The following ARHGAP28 variants were observed in gnomAD, a reference collection of about 807,000 sequenced individuals.
The protein encoded by ARHGAP28 is rho GTPase-activating protein 28.
A neutral mutation model predicts 90.7 loss-of-function variants in ARHGAP28; 56 were observed. That is an observed-to-expected ratio of 0.62 (90% confidence interval 0.50 to 0.77). The LOEUF (loss-of-function observed/expected upper bound fraction) is 0.77, where lower values mean the gene tolerates loss of function less well. Ranked by LOEUF, ARHGAP28 falls within the 30% of genes least tolerant of loss-of-function variation. The probability of loss-of-function intolerance (pLI) is 0.00; values close to 1 mark genes in which losing one functional copy is unlikely to be tolerated. For synonymous variants in ARHGAP28, 308 were observed against 323.3 expected (o/e 0.95, Z 0.51); for missense variants, 869 against 900.9 (o/e 0.96, Z 0.45).
intron 1 of ARHGAP28, among the ~76,000 whole-genome samples, chr18:6,757,489 A>G (rs1476828214): frequency 6.6e-6 from 1 of 152,218 alleles, no homozygotes; most frequent in Non-Finnish European, 1.5e-5. Flanking sequence ...CCGACGATTA[A>G]TACAAAGCCA....
intron 7 of ARHGAP28, 72 bp from the exon 8 acceptor site, chr18:6,873,337 G>GT: frequency 1.5e-6 from 2 of 1,299,674 alleles, no homozygotes; most frequent in Non-Finnish European, 1.1e-6. Flanking sequence ...AGAGTGTCCA[G>GT]GTGGCATTTG....
intron 3 of ARHGAP28, among the ~76,000 whole-genome samples, chr18:6,839,770 A>G (rs548318612): frequency 6.6e-6 from 1 of 152,362 alleles, no homozygotes; most frequent in East Asian, 1.9e-4. Flanking sequence ...TATTAGAAAA[A>G]GGAAAACTTT....
intron 5 of ARHGAP28, among the ~76,000 whole-genome samples, chr18:6,861,382 T>C (rs1033181024): frequency 3.3e-5 from 5 of 152,352 alleles, no homozygotes; most frequent in Admixed American, 1.3e-4. Context: ...GCCTCCTAAG[T>C]GATCTCCAGA....
chr18:6,819,538 G>T (rs963032439), intron 1 of ARHGAP28, among the ~76,000 whole-genome samples: 3 of 152,092 alleles, frequency 2.0e-5, no homozygotes, highest in African/African-American at 4.8e-5. Context: ...GGACTCTACC[G>T]GGATGAGGAG....
intron 4 of ARHGAP28, 151 bp from the exon 5 acceptor site, chr18:6,859,657 G>A: frequency 1.3e-6 from 1 of 745,068 alleles, no homozygotes; most frequent in Non-Finnish European, 2.2e-6. Context: ...TAATAGTGCT[G>A]CACTACCAGT....
At chr18:6,739,592 GT>G (rs1017058732) in intron 1 of ARHGAP28, among the ~76,000 whole-genome samples, 6 of 150,324 alleles carry the variant, frequency 4.0e-5, no homozygotes, top group African/African-American at 1.5e-4. Flanking sequence ...ATATTTAACA[GT>G]ATTTAAAACT....
At position 6,833,219 on chromosome 18, in the gene ARHGAP28, T is replaced by G. The variant is rs1171236810; in HGVS notation, c.326-3978T>G. Among the ~76,000 whole-genome samples the G allele has an allele frequency of 1.3e-5, 2 of 152,074 alleles. 1 individual carries two copies. Among genetic ancestry groups the G allele is most frequent in the Middle Eastern group, 6.3e-3 (2 of 316 alleles). ...CTATCACTCCCAAGTACTTTAGGTA[T>G]TATATGTATATATACATACACACTT... On this transcript the variant is annotated intron_variant, in intron 2 of 17. Transcript: ENST00000383472.
chr18:6,763,439 A>T (rs8089354), intron 1 of ARHGAP28, among the ~76,000 whole-genome samples: 64,537 of 151,918 alleles, frequency 0.42, 14,870 homozygotes, highest in East Asian at 0.85. Flanking sequence ...GGAAAAGAGG[A>T]GTTGCCAGAC....
At chr18:6,787,294 CTAAAA>C (rs2056373219) in intron 1 of ARHGAP28, among the ~76,000 whole-genome samples, 1 of 126,436 alleles carries the variant, frequency 7.9e-6, no homozygotes, top group South Asian at 2.8e-4. Context: ...AAAAAAAAAA[CTAAAA>C]TAAGAATCAG....
Position 6,912,324 on chromosome 18 carries a change from A to T in ARHGAP28, c.*170A>T. ...TGAACTATGGAAGAGGCGCCGGTTC[A>T]CCAATTCAACTGAAGCTTTCTCATG... On this transcript the variant is annotated 3_prime_UTR_variant, in exon 18 of 18. Transcript: ENST00000383472. 2.6e-6 allele frequency: 1 copy of T among 391,940 alleles called. No individual in the cohort carries two copies. The highest frequency in any genetic ancestry group is 4.6e-6 in the Non-Finnish European group (1 of 218,774). The allele number at this position is 391,940 out of a possible 1,614,324, so 24.3% of individuals were successfully genotyped here. A position where few individuals can be genotyped will look rare whatever the true frequency, so the allele number is the denominator to read the frequency against.
At position 6,908,949 on chromosome 18, in the gene ARHGAP28, AT is replaced by A; in HGVS notation, c.2031-4del. 6.8e-6 allele frequency: 10 copies of A among 1,480,062 alleles called. No homozygotes were observed. The highest frequency in any genetic ancestry group is 8.4e-6 in the Non-Finnish European group (9 of 1,070,966). 91.7% of individuals were successfully genotyped at this position (1,480,062 alleles called of 1,614,324 possible). A position where few individuals can be genotyped will look rare whatever the true frequency, so the allele number is the denominator to read the frequency against. On this transcript the variant is annotated splice_polypyrimidine_tract_variant and intron_variant, in intron 16 of 17. Coordinates refer to ENST00000383472, the MANE Select transcript of ARHGAP28 (RefSeq NM_001366230.1). Reference sequence around the variant, plus strand: ...AGTACTAAAATTATATTATTTTCTCATTTTTTTCAGTCATGGTTCATCAGAA... The same window carrying A: ...AGTACTAAAATTATATTATTTTCTCATTTTTTCAGTCATGGTTCATCAGAA...
intron 1 of ARHGAP28, among the ~76,000 whole-genome samples, chr18:6,753,164 A>G (rs1276562274): frequency 6.6e-6 from 1 of 152,176 alleles, no homozygotes; most frequent in Non-Finnish European, 1.5e-5. Context: ...AATGGTACCA[A>G]TGGATTTATT....
intron 1 of ARHGAP28, among the ~76,000 whole-genome samples, chr18:6,743,670 G>A (rs987579990): frequency 7.9e-5 from 12 of 152,172 alleles, no homozygotes; most frequent in Non-Finnish European, 1.5e-4. Flanking sequence ...AAAACTGAGT[G>A]CAGCATGGAT....
chr18:6,876,069 T>C (rs746053342), intron 9 of ARHGAP28, 62 bp from the exon 10 acceptor site: 1 of 1,262,434 alleles, frequency 7.9e-7, no homozygotes, highest in South Asian at 1.2e-5. Context: ...TCATTGTTAC[T>C]GTTTCATATG....
At chr18:6,847,529 G>C (rs929214789) in intron 3 of ARHGAP28, among the ~76,000 whole-genome samples, 4 of 151,790 alleles carry the variant, frequency 2.6e-5, no homozygotes, top group Admixed American at 1.3e-4. Flanking sequence ...AGGCCAATAA[G>C]GTCTGAAAAA....
rs540549108 is a variant in ARHGAP28, at chr18:6,808,645, G to A, written c.123-16117G>A. Among the ~76,000 whole-genome samples, 119 of 152,232 alleles carry A rather than the reference G, an allele frequency of 7.8e-4. 1 individual carries two copies. The highest frequency in any genetic ancestry group is 2.6e-3 in the African/African-American group (110 of 41,534). On this transcript the variant is annotated intron_variant, in intron 1 of 17. Coordinates refer to ENST00000383472, the MANE Select transcript of ARHGAP28 (RefSeq NM_001366230.1). ...AGAGCAAATTTAGCCTTCTTAGTAA[G>A]GCATGAGACTTCTAAGGTTTCCATT...
chr18:6,886,749 A>C (rs1270616725), intron 11 of ARHGAP28, among the ~76,000 whole-genome samples: 1 of 152,150 alleles, frequency 6.6e-6, no homozygotes, highest in African/African-American at 2.4e-5. Flanking sequence ...CAGGTTTGAA[A>C]CCTGGTTCTA....
intron 1 of ARHGAP28, among the ~76,000 whole-genome samples, chr18:6,772,020 TA>T (rs2056246894): frequency 6.6e-6 from 1 of 152,194 alleles, no homozygotes; most frequent in African/African-American, 2.4e-5. Context: ...AAATATTATG[TA>T]TCAATACAAA....
At chr18:6,857,823 A>AT (rs1381055437) in intron 4 of ARHGAP28, among the ~76,000 whole-genome samples, 1 of 152,170 alleles carries the variant, frequency 6.6e-6, no homozygotes, top group Non-Finnish European at 1.5e-5. Flanking sequence ...GCTGGACTTT[A>AT]TTGATTTTCC....
Sources: allele counts gnomAD v4.1 joint callset (sites outside exome capture counted in the v4.1 genomes callset), GRCh38; gene constraint gnomAD v4.1.1; transcripts MANE v1.5; gene names NCBI Gene and HGNC (gene_info 2026-07-23, HGNC 2026-07-21).